RBFOX1: variants seen among roughly 807,000 people sequenced by gnomAD.
RBFOX1 encodes RNA binding fox-1 homolog 1, also known as RNA binding protein fox-1 homolog 1.
A neutral mutation model predicts 57.7 loss-of-function variants in RBFOX1; 8 were observed. That is an observed-to-expected ratio of 0.14 (90% CI 0.08 to 0.25). The LOEUF (loss-of-function observed/expected upper bound fraction) is 0.25. Ranked by LOEUF, RBFOX1 falls within the 10% of genes least tolerant of loss-of-function variation. The pLI, the probability that RBFOX1 is intolerant of heterozygous loss-of-function variation, is 1.00. For synonymous variants in RBFOX1, 326 were observed against 222.4 expected, an observed-to-expected ratio of 1.47 and a Z score of -4.15; for missense variants, 611 against 548.5, an observed-to-expected ratio of 1.11 and a Z score of -1.14.
intron 4 of RBFOX1, among the ~76,000 whole-genome samples, chr16:5,950,854 G>T (rs9930357): frequency 0.14 from 20,584 of 151,974 alleles, 1,617 homozygotes; most frequent in African/African-American, 0.2. Flanking sequence ...TGGTCCAAGT[G>T]CCAGGAGAGA....
chr16:6,548,921 CA>C (rs2096932317), intron 2 of RBFOX1, among the ~76,000 whole-genome samples: 1 of 151,242 alleles, frequency 6.6e-6, no homozygotes, highest in African/African-American at 2.4e-5. Context: ...ACTAAAAGTA[CA>C]AAAATTAGCT....
rs57435796 is a variant in RBFOX1 at position 6,218,277 on chromosome 16, T to TTTTA, written c.-126-98693_-126-98690dup. On this transcript the variant is annotated intron_variant, in intron 1 of 15. Transcript: ENST00000550418. ...ACTATAAACAGGACTAGTGAAGTCTTTTTATTTATTTATTTATTTATTTAT... is the reference window on the plus strand; with the variant it reads ...ACTATAAACAGGACTAGTGAAGTCTTTTTATTTATTTATTTATTTATTTATTTAT... 1.9e-3 allele frequency among the ~76,000 whole-genome samples: 280 copies of TTTTA among 150,794 alleles called. 1 individual carries two copies. Among genetic ancestry groups the TTTTA allele is most frequent in the African/African-American group, 6.6e-3 (269 of 41,060 alleles).
At chr16:6,248,695 T>C (rs745914160) in intron 1 of RBFOX1, among the ~76,000 whole-genome samples, 100 of 152,262 alleles carry the variant, frequency 6.6e-4, no homozygotes, top group Non-Finnish European at 9.6e-4. Flanking sequence ...TGATTTGATA[T>C]AGAGGTTAAG....
intron 1 of RBFOX1, among the ~76,000 whole-genome samples, chr16:6,164,693 G>C (rs1294237725): frequency 2.6e-5 from 4 of 151,864 alleles, no homozygotes; most frequent in Non-Finnish European, 5.9e-5. Context: ...GGCCGGGCTG[G>C]TCTCGAATTT....
rs753047527 is a variant in RBFOX1, at chr16:6,083,894, G to T, written c.-127+63902G>T. Among the ~76,000 whole-genome samples the T allele has an allele frequency of 2.6e-5, 4 of 152,136 alleles. No individual in the cohort carries two copies. In the South Asian group the frequency reaches 6.2e-4, roughly 24 times the overall value. ...AAGCAGAAGAATTGGCTGCCTGAAA[G>T]CCTGTAGATTTATTTGGAGGATGGG... On this transcript the variant is annotated intron_variant, in intron 1 of 15. Coordinates refer to ENST00000550418, the MANE Select transcript of RBFOX1 (RefSeq NM_018723.4).
At chr16:5,975,234 C>G (rs1035317049) in intron 4 of RBFOX1, among the ~76,000 whole-genome samples, 1 of 152,180 alleles carries the variant, frequency 6.6e-6, no homozygotes, top group Non-Finnish European at 1.5e-5. Context: ...ATAAATCGAT[C>G]TCTACTTTCT....
chr16:6,315,973 G>C (rs114469075), intron 1 of RBFOX1, among the ~76,000 whole-genome samples: 2 of 152,024 alleles, frequency 1.3e-5, no homozygotes, highest in Non-Finnish European at 2.9e-5. Flanking sequence ...TTAGGAAAGG[G>C]GGTATATTGT....
intron 1 of RBFOX1, among the ~76,000 whole-genome samples, chr16:5,419,014 C>A (rs1312336318): frequency 2.0e-5 from 3 of 152,118 alleles, no homozygotes; most frequent in African/African-American, 7.2e-5. Context: ...CCAGAGAGAG[C>A]AAGGTGGGGA....
chr16:7,425,413 A>G (rs1036442907), intron 4 of RBFOX1, among the ~76,000 whole-genome samples: 1 of 152,218 alleles, frequency 6.6e-6, no homozygotes, highest in African/African-American at 2.4e-5. Flanking sequence ...CATGTAATAG[A>G]AAACTTCCTC....
At chr16:6,084,625 A>G (rs2096059275) in intron 1 of RBFOX1, among the ~76,000 whole-genome samples, 2 of 152,080 alleles carry the variant, frequency 1.3e-5, no homozygotes, top group South Asian at 2.1e-4. Context: ...AGAAAGAAAA[A>G]AAAACAGTGA....
At chr16:5,990,810 C>A (rs532603223) in intron 4 of RBFOX1, among the ~76,000 whole-genome samples, 2 of 152,222 alleles carry the variant, frequency 1.3e-5, no homozygotes, top group East Asian at 3.9e-4. Context: ...TCCATCTCTA[C>A]TAAAAATACA....
intron 1 of RBFOX1, among the ~76,000 whole-genome samples, chr16:5,424,919 C>CTTTCTTTCTTCCTT (rs2067482948): frequency 1.0e-5 from 1 of 96,692 alleles, no homozygotes; most frequent in South Asian, 3.3e-4. Context: ...TTCTTTCTTT[C>CTTTCTTTCTTCCTT]TTTCTTTCTT....
At chr16:7,003,265 C>A (rs1195011393) in intron 3 of RBFOX1, among the ~76,000 whole-genome samples, 1 of 151,894 alleles carries the variant, frequency 6.6e-6, no homozygotes, top group African/African-American at 2.4e-5. Context: ...TCAAGACCAT[C>A]CTGGCCAACA....
At chr16:6,098,529 T>G (rs982036365) in intron 1 of RBFOX1, among the ~76,000 whole-genome samples, 1 of 152,224 alleles carries the variant, frequency 6.6e-6, no homozygotes, top group African/African-American at 2.4e-5. Flanking sequence ...CTGGAATAAT[T>G]CTAAGTCAAG....
At chr16:7,136,404 A>ATTTTTTTTTTT (rs35623726) in intron 4 of RBFOX1, among the ~76,000 whole-genome samples, 7 of 110,934 alleles carry the variant, frequency 6.3e-5, no homozygotes, top group African/African-American at 2.5e-4. Context: ...TCATCTTGGG[A>ATTTTTTTTTTT]TTTTTTTTTT....
At chr16:7,576,768 C>T (rs2093372159) in intron 5 of RBFOX1, among the ~76,000 whole-genome samples, 2 of 152,108 alleles carry the variant, frequency 1.3e-5, no homozygotes, top group Non-Finnish European at 1.5e-5. Context: ...CTGAAACATC[C>T]AGCAGTTATA....
chr16:6,182,820 AT>A (rs1372220982), intron 1 of RBFOX1, among the ~76,000 whole-genome samples: 1 of 152,200 alleles, frequency 6.6e-6, no homozygotes, highest in Non-Finnish European at 1.5e-5. Flanking sequence ...TTTTTACATA[AT>A]TCTTTTTTAA....
intron 1 of RBFOX1, among the ~76,000 whole-genome samples, chr16:6,023,998 G>A (rs986367910): frequency 1.1e-4 from 16 of 152,192 alleles, no homozygotes; most frequent in South Asian, 2.1e-4. Context: ...AGACTCGGTC[G>A]TAGGGCTAGG....
chr16:7,046,814 C>T (rs1035999429), intron 3 of RBFOX1, among the ~76,000 whole-genome samples: 1 of 151,892 alleles, frequency 6.6e-6, no homozygotes, highest in Non-Finnish European at 1.5e-5. Context: ...CTGTGTTGAC[C>T]AGACTGGTCT....
Sources: gnomAD v4.1 joint callset for allele counts (sites outside exome capture counted in the v4.1 genomes callset) on GRCh38, gnomAD v4.1.1 for gene constraint, MANE v1.5 for transcripts, NCBI Gene and HGNC (gene_info 2026-07-23, HGNC 2026-07-21) for gene names.